SFMBT1: variants seen among roughly 807,000 people sequenced by gnomAD.
The protein encoded by SFMBT1 is Scm like with four mbt domains 1, also known as scm-like with four MBT domains protein 1.
SFMBT1 carries 32 observed loss-of-function variants against 108.7 expected under a neutral mutation model. The ratio of observed to expected loss-of-function variants is 0.29; its 90% CI spans 0.22 to 0.40. The LOEUF is 0.40. SFMBT1 is among the 10% of genes least tolerant of loss of function. The probability of loss-of-function intolerance (pLI) is 1.00; values close to 1 mark genes in which losing one functional copy is unlikely to be tolerated. For missense variants in SFMBT1, 816 were observed against 1,059.6 expected (o/e 0.77, Z 3.19); for synonymous variants, 348 against 369.5 (o/e 0.94, Z 0.67).
In SFMBT1 at chr3:52,951,785, C is replaced by A. The variant is rs540269351; in HGVS notation, c.123+2532G>T. ...AAGCGGTTTTCTGCCCTGGGCGGGCCAGGTGTTCCTTGCCCTCATTCCCAT... is the reference window on the plus strand; with the variant it reads ...AAGCGGTTTTCTGCCCTGGGCGGGCAAGGTGTTCCTTGCCCTCATTCCCAT... On this transcript the variant is annotated intron_variant, in intron 3 of 20. Coordinates refer to ENST00000394752, the MANE Select transcript of SFMBT1 (RefSeq NM_016329.4). Among the ~76,000 whole-genome samples the A allele has an allele frequency of 2.0e-5, 3 of 152,280 alleles. No homozygotes were observed. In the East Asian group the frequency reaches 5.8e-4, roughly 29 times the overall value.
intron 1 of SFMBT1, among the ~76,000 whole-genome samples, chr3:52,970,882 C>T (rs1264935135): frequency 1.3e-5 from 2 of 152,154 alleles, no homozygotes; most frequent in African/African-American, 4.8e-5. Flanking sequence ...GCCTGTAATC[C>T]TAGCACTTTG....
intron 1 of SFMBT1, among the ~76,000 whole-genome samples, chr3:52,996,206 C>CTTTTTTTTTTTTTTTTT (rs35167235): frequency 1.1e-5 from 1 of 88,128 alleles, no homozygotes; most frequent in African/African-American, 4.6e-5. Context: ...ATAAACAATC[C>CTTTTTTTTTTTTTTTTT]TTTTTTTTTT....
chr3:53,043,188 A>G (rs150202432), intron 1 of SFMBT1: 1 of 152,318 alleles, frequency 6.6e-6, no homozygotes, highest in African/African-American at 2.4e-5. Context: ...ACAAGACGAC[A>G]TTGGTGAAGG....
chr3:52,938,454 TTTATA>T (rs1703089503), intron 4 of SFMBT1, among the ~76,000 whole-genome samples: 1 of 152,176 alleles, frequency 6.6e-6, no homozygotes, highest in Non-Finnish European at 1.5e-5. Context: ...ACGGATTACC[TTTATA>T]TAACACTTTT....
At chr3:52,931,823 G>C (rs978799012) in intron 6 of SFMBT1, among the ~76,000 whole-genome samples, 23 of 152,242 alleles carry the variant, frequency 1.5e-4, no homozygotes, top group Non-Finnish European at 3.1e-4. Flanking sequence ...CTGGGTAACA[G>C]AGCAAGACTC....
chr3:52,933,938 A>G (rs909282426), intron 5 of SFMBT1, among the ~76,000 whole-genome samples: 3 of 152,258 alleles, frequency 2.0e-5, no homozygotes, highest in Non-Finnish European at 4.4e-5. Context: ...AAGACAAACC[A>G]TAGAATGGGA....
intron 1 of SFMBT1, among the ~76,000 whole-genome samples, chr3:52,981,902 T>C (rs758320548): frequency 1.3e-5 from 2 of 152,150 alleles, no homozygotes; most frequent in Non-Finnish European, 2.9e-5. Flanking sequence ...TTTTTGGTTG[T>C]ACATTAAGGC....
At chr3:52,914,681 T>G (rs1355125917) in intron 14 of SFMBT1, among the ~76,000 whole-genome samples, 2 of 151,992 alleles carry the variant, frequency 1.3e-5, no homozygotes, top group Admixed American at 6.6e-5. Context: ...GAGGTGGAGG[T>G]TGCAGTGAGC....
chr3:52,943,832 T>A (rs1703273043), intron 3 of SFMBT1, among the ~76,000 whole-genome samples: 1 of 152,234 alleles, frequency 6.6e-6, no homozygotes, highest in Non-Finnish European at 1.5e-5. Context: ...AGCAGTCTAT[T>A]ATGATTACAG....
At chr3:52,910,911 G>A (rs2106763417) in intron 17 of SFMBT1, 92 bp downstream of exon 17, 4 of 1,130,164 alleles carry the variant, frequency 3.5e-6, no homozygotes, top group Non-Finnish European at 5.3e-6. Flanking sequence ...GTGTGCCTCT[G>A]CTATATATGA....
rs181000470 is a variant in SFMBT1, at chr3:52,930,916, G to A, written c.795+25C>T. 2.9e-5 allele frequency: 47 copies of A among 1,593,372 alleles called. No homozygotes were observed. In the East Asian group the frequency reaches 3.6e-4, roughly 12 times the overall value. ...ACTCTACTGTAAGGGGAGCAATACC[G>A]GTCTATCACATGTTTTGTTTTTACC... On this transcript the variant is annotated intron_variant, in intron 7 of 20. Transcript: ENST00000394752.
chr3:52,965,125 A>G lies in SFMBT1; in HGVS notation c.28+3976T>C, dbSNP rs138547950. Reference sequence around the variant, plus strand: ...CTCAGTTAGAAGAGCAAAATGCGACATTTTAGGTTGAGACTATTCCCTTCC... The same window carrying G: ...CTCAGTTAGAAGAGCAAAATGCGACGTTTTAGGTTGAGACTATTCCCTTCC... On this transcript the variant is annotated intron_variant, in intron 2 of 20. Transcript: ENST00000394752. Among the ~76,000 whole-genome samples the G allele has an allele frequency of 5.7e-3, 872 of 152,252 alleles. 3 individuals carry two copies. The highest frequency in any genetic ancestry group is 0.01 in the Middle Eastern group (3 of 294).
chr3:53,042,952 C>A (rs1575458722), intron 1 of SFMBT1, among the ~76,000 whole-genome samples: 1 of 152,202 alleles, frequency 6.6e-6, no homozygotes, highest in African/African-American at 2.4e-5. Flanking sequence ...TAGCTTAACA[C>A]GGGAAAGACA....
intron 1 of SFMBT1, among the ~76,000 whole-genome samples, chr3:53,043,574 A>G (rs1449532362): frequency 6.6e-6 from 1 of 152,222 alleles, no homozygotes; most frequent in African/African-American, 2.4e-5. Context: ...AAAATTCATG[A>G]TTCATTCTTC....
chr3:52,982,845 C>T (rs1190504493), intron 1 of SFMBT1, among the ~76,000 whole-genome samples: 1 of 116,108 alleles, frequency 8.6e-6, no homozygotes, highest in Non-Finnish European at 1.9e-5. Context: ...AATTCCAAAA[C>T]CAGTGCCAAT....
In SFMBT1 at chr3:52,903,798, G is replaced by C. The variant is rs560525486; in HGVS notation, c.*1338C>G. On this transcript the variant is annotated 3_prime_UTR_variant, in exon 21 of 21. Transcript: ENST00000394752. ...CAGCAAACGCTATTATTCTATAATA[G>C]CTAGCAATGGAATAGTAAGTGAAAA... is the stretch of plus-strand genomic sequence containing the variant. 6.6e-6 allele frequency: 1 copy of C among 152,302 alleles called. No homozygotes were observed. The highest frequency in any genetic ancestry group is 2.1e-4 in the South Asian group (1 of 4,822). 9.4% of individuals were successfully genotyped at this position (152,302 alleles called of 1,614,324 possible). A position where few individuals can be genotyped will look rare whatever the true frequency, so the allele number is the denominator to read the frequency against.
intron 1 of SFMBT1, among the ~76,000 whole-genome samples, chr3:53,001,948 C>CACAT (rs1698570355): frequency 6.8e-6 from 1 of 147,566 alleles, no homozygotes. Flanking sequence ...CACACACACA[C>CACAT]ACACACACAC....
chr3:53,029,932 C>A (rs553440153), intron 1 of SFMBT1, among the ~76,000 whole-genome samples: 2 of 151,436 alleles, frequency 1.3e-5, no homozygotes, highest in Non-Finnish European at 2.9e-5. Flanking sequence ...AGTCTACCCC[C>A]ACAAATACAC....
At chr3:52,989,562 A>T (rs1705049239) in intron 1 of SFMBT1, among the ~76,000 whole-genome samples, 1 of 152,092 alleles carries the variant, frequency 6.6e-6, no homozygotes. Flanking sequence ...ACACTTTGGG[A>T]GGCTGAAGTG....
Sources: gnomAD v4.1 joint callset for allele counts (sites outside exome capture counted in the v4.1 genomes callset) on GRCh38, gnomAD v4.1.1 for gene constraint, MANE v1.5 for transcripts, NCBI Gene and HGNC (gene_info 2026-07-23, HGNC 2026-07-21) for gene names.